HHIPL1: variants seen among roughly 807,000 people sequenced by gnomAD.
HHIPL1 encodes HHIP like 1, also known as HHIP-like protein 1.
Under a neutral mutation model 61.8 loss-of-function variants are expected in HHIPL1, and 43 were observed. The observed-to-expected ratio is 0.70, with a 90% confidence interval of 0.55 to 0.90. HHIPL1 has a LOEUF of 0.90. Among genes scored for constraint, HHIPL1 ranks in the 40% least tolerant of loss-of-function variants. HHIPL1 has a pLI of 0.00. For missense variants in HHIPL1, 1,056 were observed against 1,157.7 expected (o/e 0.91, Z 1.28); for synonymous variants, 482 against 515.8 (o/e 0.93, Z 0.89).
At chr14:99,672,470 GC>G in intron 8 of HHIPL1, 71 bp downstream of exon 8, 1 of 1,320,472 alleles carries the variant, frequency 7.6e-7, no homozygotes, top group Non-Finnish European at 1.1e-6. Context: ...TGCCTTTCCA[GC>G]CAGACTCGGG....
chr14:99,662,709 T>C (rs1280928106), intron 5 of HHIPL1, among the ~76,000 whole-genome samples, 167 bp from the exon 6 acceptor site: 1 of 152,210 alleles, frequency 6.6e-6, no homozygotes, highest in African/African-American at 2.4e-5. Flanking sequence ...GTATGGTCCT[T>C]GCATGGATCA....
chr14:99,639,111 C>T, the HHIPL1 span, among the ~76,000 whole-genome samples: 2 of 152,250 alleles, frequency 1.3e-5, no homozygotes, highest in African/African-American at 4.8e-5. Flanking sequence ...GCTCAACAGC[C>T]GGGCCCCTGC....
chr14:99,646,222 A>G (rs1261454761), intron 1 of HHIPL1, among the ~76,000 whole-genome samples: 1 of 152,176 alleles, frequency 6.6e-6, no homozygotes, highest in Non-Finnish European at 1.5e-5. Context: ...ACCACACCCA[A>G]GTGGGCAAAT....
upstream of HHIPL1, chr14:99,644,965 G>A (rs2055803855): frequency 2.8e-6 from 1 of 362,420 alleles, no homozygotes; most frequent in Non-Finnish European, 4.9e-6. Flanking sequence ...AACAGACCGG[G>A]CCACTCCCAT....
the HHIPL1 span, among the ~76,000 whole-genome samples, chr14:99,623,562 C>T: frequency 6.6e-6 from 1 of 152,136 alleles, no homozygotes; most frequent in South Asian, 2.1e-4. Context: ...TGCAAGAGTG[C>T]ACCACCACGC....
At chr14:99,654,287 G>A (rs1415231927) in intron 2 of HHIPL1, among the ~76,000 whole-genome samples, 3 of 152,178 alleles carry the variant, frequency 2.0e-5, no homozygotes, top group Non-Finnish European at 2.9e-5. Context: ...TACCCCTTGG[G>A]CCGGGAGGAC....
chr14:99,636,962 C>A, the HHIPL1 span, among the ~76,000 whole-genome samples: 35 of 110,330 alleles, frequency 3.2e-4, no homozygotes, highest in Admixed American at 1.6e-3. Context: ...AGAGAAAGAT[C>A]CTGCTGAAAA....
the HHIPL1 span, among the ~76,000 whole-genome samples, chr14:99,616,418 A>G: frequency 2.0e-5 from 3 of 152,240 alleles, no homozygotes; most frequent in Non-Finnish European, 2.9e-5. Context: ...ATGGTGTAGC[A>G]TTATTGGGAG....
upstream of HHIPL1, among the ~76,000 whole-genome samples, chr14:99,643,187 G>A (rs952257630): frequency 1.1e-4 from 16 of 152,178 alleles, no homozygotes; most frequent in African/African-American, 3.4e-4. Context: ...TTATAGGCGC[G>A]TGCCACCACG....
At chr14:99,635,179 GC>G in the HHIPL1 span, among the ~76,000 whole-genome samples, 2 of 152,138 alleles carry the variant, frequency 1.3e-5, no homozygotes, top group Non-Finnish European at 2.9e-5. Flanking sequence ...TATCCCTGAG[GC>G]CCCGATAGGA....
Position 99,660,731 on chromosome 14 carries a change from A to C in HHIPL1, c.1502+325A>C, listed in dbSNP as rs2056138254. On this transcript the variant is annotated intron_variant, in intron 5 of 8. Transcript: ENST00000330710. This position sits in a 1 kb window ranked among gnomAD's most constrained non-coding sequence, Gnocchi z 4.9. ...GGCTCTGGGCCTGACAGCAGTTCTG[A>C]TGGGCAGGAGGGCAGAATATGAACA... 6.6e-6 allele frequency among the ~76,000 whole-genome samples: 1 copy of C among 152,078 alleles called. No homozygotes were observed. The highest frequency in any genetic ancestry group is 2.4e-5 in the African/African-American group (1 of 41,408).
Position 99,662,876 on chromosome 14 carries a change from G to A in HHIPL1, c.1503G>A (p.Gly501=). The A allele has an allele frequency of 6.3e-7, 1 of 1,586,834 alleles. No homozygotes were observed. Among genetic ancestry groups the A allele is most frequent in the Non-Finnish European group, 8.6e-7 (1 of 1,168,744 alleles). The change falls in exon 6 of 9, where the codon GGG becomes GGA. Residue 501 remains glycine (G), a splice_region_variant and synonymous_variant. Transcript: ENST00000330710. ...GLYIFGDFMS[G]RLMSLQENPG... ...CCTCACAGCTCATCTTCCTTTGCAG[G>A]CGTCTGATGTCCCTCCAAGAGAACC...
the HHIPL1 span, among the ~76,000 whole-genome samples, chr14:99,605,931 C>T: frequency 6.6e-6 from 1 of 152,110 alleles, no homozygotes; most frequent in Non-Finnish European, 1.5e-5. Flanking sequence ...GGTCAGAGGT[C>T]AGAGGGGCCA....
At chr14:99,655,518 G>T (rs2056013807) in intron 2 of HHIPL1, among the ~76,000 whole-genome samples, 1 of 152,152 alleles carries the variant, frequency 6.6e-6, no homozygotes, top group Admixed American at 6.5e-5. Context: ...CAGCTACTCA[G>T]GAGGCTGGGG....
At chr14:99,659,166 A>C (rs1248394950) in intron 3 of HHIPL1, among the ~76,000 whole-genome samples, 1 of 152,244 alleles carries the variant, frequency 6.6e-6, no homozygotes, top group Non-Finnish European at 1.5e-5. Context: ...TGAGGACAAG[A>C]CGAAATAGAT....
upstream of HHIPL1, among the ~76,000 whole-genome samples, chr14:99,643,501 T>C (rs1595142203): frequency 6.6e-6 from 1 of 152,236 alleles, no homozygotes; most frequent in South Asian, 2.1e-4. Context: ...TCTGTGGCTG[T>C]AGGAGCCCAA....
upstream of HHIPL1, among the ~76,000 whole-genome samples, chr14:99,642,584 G>A (rs2055766271): frequency 6.6e-6 from 1 of 151,524 alleles, no homozygotes; most frequent in South Asian, 2.1e-4. Flanking sequence ...GGAGTGCAGT[G>A]GCGCAATCTT....
Position 99,662,989 on chromosome 14 carries a change from C to T in HHIPL1, c.1616C>T (p.Pro539Leu), listed in dbSNP as rs779896040. Reference protein sequence around the residue: ...EFPGLINNYYPYIISFGEDEA... With the variant: ...EFPGLINNYYLYIISFGEDEA... Reference sequence around the variant, plus strand: ...CCAGGCCTCATCAACAACTACTACCCGTACATCATCTCCTTCGGGGAGGAC... The same window carrying T: ...CCAGGCCTCATCAACAACTACTACCTGTACATCATCTCCTTCGGGGAGGAC... Residue 539 changes from proline (P) to leucine (L), a missense_variant, in exon 6 of 9, where the codon CCG becomes CTG. Physicochemically the swap from Pro to Leu is moderately conservative, Grantham distance 98. Coordinates refer to ENST00000330710, the MANE Select transcript of HHIPL1 (RefSeq NM_001127258.3). 1.7e-5 allele frequency: 28 copies of T among 1,612,876 alleles called. No homozygotes were observed. Among genetic ancestry groups the T allele is most frequent in the South Asian group, 4.4e-5 (4 of 90,828 alleles).
At chr14:99,637,075 A>AAG in the HHIPL1 span, among the ~76,000 whole-genome samples, 2,452 of 103,354 alleles carry the variant, frequency 0.024, 179 homozygotes, top group African/African-American at 0.073. Context: ...AGAAAGAAAG[A>AAG]GAGAGAAAGA....
Sources: gnomAD v4.1 joint callset for allele counts (sites outside exome capture counted in the v4.1 genomes callset) on GRCh38, gnomAD v4.1.1 for gene constraint, Gnocchi (gnomAD v3.1) non-coding constraint, MANE v1.5 for transcripts, NCBI Gene and HGNC (gene_info 2026-07-23, HGNC 2026-07-21) for gene names.